CD5: variants seen among roughly 807,000 people sequenced by gnomAD.
The protein encoded by CD5 is CD5 molecule, also known as T-cell surface glycoprotein CD5.
Under a neutral mutation model 60.3 loss-of-function variants are expected in CD5, and 36 were observed. That is an observed-to-expected ratio of 0.60 (90% CI 0.46 to 0.79). The LOEUF is 0.79. Ranked by LOEUF, CD5 falls within the 30% of genes least tolerant of loss-of-function variation. CD5 has a pLI of 0.00. For synonymous variants in CD5, 230 were observed against 257.6 expected, an observed-to-expected ratio of 0.89 and a Z score of 1.03; for missense variants, 540 against 630.6, an observed-to-expected ratio of 0.86 and a Z score of 1.54.
chr11:61,109,270 G>T (rs1860817230), intron 1 of CD5, among the ~76,000 whole-genome samples: 1 of 152,208 alleles, frequency 6.6e-6, no homozygotes. Context: ...TTATAATCTT[G>T]ACACATCCCC....
intron 5 of CD5, among the ~76,000 whole-genome samples, chr11:61,121,319 C>T (rs528711816): frequency 1.1e-4 from 17 of 152,398 alleles, no homozygotes; most frequent in African/African-American, 4.1e-4. Context: ...GAGCCGACTC[C>T]CTGCTGGTGG....
chr11:61,110,041 C>T (rs1860830393), intron 1 of CD5, among the ~76,000 whole-genome samples: 2 of 152,064 alleles, frequency 1.3e-5, no homozygotes, highest in South Asian at 2.1e-4. Flanking sequence ...CAGGAGTAAG[C>T]TGTAGAGCCC....
At position 61,125,053 on chromosome 11, in the gene CD5, C is replaced by G; in HGVS notation, c.1301C>G (p.Thr434Arg). Residue 434 changes from threonine (T) to arginine (R), a missense_variant, in exon 9 of 11, where the codon ACG (threonine) becomes AGG (arginine). By Grantham distance (71) the Thr-to-Arg change is moderately conservative. Transcript: ENST00000347785. ...NQNMSFHRNH[T>R]ATVRSHAENP... ...CCAGTGTCTTTCCATCGCAACCACA[C>G]GGCAACCGTCCGATCCCATGCTGAG... is the stretch of plus-strand genomic sequence containing the variant. 1 of 1,614,060 alleles carries G rather than the reference C, an allele frequency of 6.2e-7. No homozygotes were observed. Among genetic ancestry groups the G allele is most frequent in the South Asian group, 1.1e-5 (1 of 91,084 alleles).
the CD5 span, among the ~76,000 whole-genome samples, chr11:61,094,023 G>T: frequency 6.6e-6 from 1 of 152,090 alleles, no homozygotes; most frequent in Non-Finnish European, 1.5e-5. Context: ...GTGTCTGAGG[G>T]GTTTTGTCTG....
chr11:61,113,383 C>A (rs896647974), intron 1 of CD5, among the ~76,000 whole-genome samples: 3 of 152,224 alleles, frequency 2.0e-5, no homozygotes, highest in Non-Finnish European at 4.4e-5. Flanking sequence ...ACTTTGCCCC[C>A]ACTCCACAGT....
rs747869126 is a variant in CD5, at chr11:61,119,220, C to G, written c.464-14C>G. On this transcript the variant is annotated splice_polypyrimidine_tract_variant and intron_variant, in intron 4 of 10. Transcript: ENST00000347785. ...GCTCAGGGTGGCTCCCCCTCCTGCT[C>G]TCTCCTCTCCTAGCTCCTCCCAGGC... 19 of 1,570,124 alleles carry G rather than the reference C, an allele frequency of 1.2e-5. No individual in the cohort carries two copies. Among genetic ancestry groups the G allele is most frequent in the Non-Finnish European group, 1.5e-5 (17 of 1,159,114 alleles).
chr11:61,119,343 C>A lies in CD5; in HGVS notation c.573C>A (p.Asp191Glu). ...GTACCATCAGCTATGAGGCCCAGGA[C>A]AAGACCCAGGACCTGGAGAACTTCC... The part of the protein sequence containing the change: ...LGGTISYEAQ[D>E]KTQDLENFLC... The change falls in exon 5 of 11, where the codon GAC becomes GAA. Residue 191 changes from aspartate (D) to glutamate (E), a missense_variant. Transcript: ENST00000347785. 6 of 1,614,108 alleles carry A rather than the reference C, an allele frequency of 3.7e-6. No homozygotes were observed. Among genetic ancestry groups the A allele is most frequent in the Non-Finnish European group, 5.1e-6 (6 of 1,180,016 alleles).
At position 61,122,869 on chromosome 11, in the gene CD5, C is replaced by G. The variant is rs183289659; in HGVS notation, c.1100-38C>G. Reference sequence around the variant, plus strand: ...TTCCCTCCCACAGTTTTTCTCCCCCCAGGACTGGGACTGACCTAACTCTTC... The same window carrying G: ...TTCCCTCCCACAGTTTTTCTCCCCCGAGGACTGGGACTGACCTAACTCTTC... On this transcript the variant is annotated intron_variant, in intron 6 of 10. Transcript: ENST00000347785. 5.7e-6 allele frequency: 9 copies of G among 1,578,000 alleles called. No homozygotes were observed. The East Asian group carries it at 9.0e-5, about 16-fold the overall frequency.
upstream of CD5, among the ~76,000 whole-genome samples, chr11:61,100,554 T>TCA (rs773339207): frequency 1.2e-5 from 1 of 80,048 alleles, no homozygotes; most frequent in Non-Finnish European, 2.3e-5. Context: ...AACATGGAGA[T>TCA]CACACACACA....
rs1258103807 is a variant in CD5, at chr11:61,119,323, A to G, written c.553A>G (p.Ile185Val). 9.3e-6 allele frequency: 15 copies of G among 1,613,864 alleles called. No individual in the cohort carries two copies. The highest frequency in any genetic ancestry group is 1.3e-5 in the African/African-American group (1 of 74,890). Residue 185 changes from isoleucine (I) to valine (V), a missense_variant, in exon 5 of 11, where the codon ATC (isoleucine) becomes GTC (valine). By Grantham distance (29) the Ile-to-Val change is conservative. Transcript: ENST00000347785. ...EFYSGSLGGTISYEAQDKTQD... is the reference protein window; with the variant it reads ...EFYSGSLGGTVSYEAQDKTQD... ...CTACAGCGGCAGCCTGGGGGGTACCATCAGCTATGAGGCCCAGGACAAGAC... is the reference window on the plus strand; with the variant it reads ...CTACAGCGGCAGCCTGGGGGGTACCGTCAGCTATGAGGCCCAGGACAAGAC...
rs911227372 is a variant in CD5 at position 61,118,651 on chromosome 11, G to A, written c.400+171G>A. Among the ~76,000 whole-genome samples the A allele has an allele frequency of 6.6e-6, 1 of 152,244 alleles. No homozygotes were observed. Among genetic ancestry groups the A allele is most frequent in the African/African-American group, 2.4e-5 (1 of 41,468 alleles). ...CCAGGAGGGGGACTGGAAGGGGCCA[G>A]CACCCATCTGTAGGATGGCAATGGA... On this transcript the variant is annotated intron_variant, in intron 3 of 10. Transcript: ENST00000347785. This position sits in a 1 kb window ranked among gnomAD's most constrained non-coding sequence, Gnocchi z 4.7.
chr11:61,123,811 A>AAACCCCCCCCC, intron 7 of CD5, 73 bp from the exon 8 acceptor site: 1 of 262,112 alleles, frequency 3.8e-6, no homozygotes, highest in Non-Finnish European at 7.1e-6. Context: ...GCCCAGCCCC[A>AAACCCCCCCCC]TCCCCACCCC....
chr11:61,102,545 GAGA>G lies in CD5; in HGVS notation c.-13_-11del, dbSNP rs768108606. 1.3e-6 allele frequency: 2 copies of G among 1,564,572 alleles called. No homozygotes were observed. Among genetic ancestry groups the G allele is most frequent in the East Asian group, 4.7e-5 (2 of 42,318 alleles). On this transcript the variant is annotated 5_prime_UTR_variant, in exon 1 of 11. Transcript: ENST00000347785. ...TGCCCAGCTGCCCAGGCTGAGGCAA[GAGA>G]AGGCCAGAAACCATGCCCATGGGGT...
chr11:61,112,901 G>A (rs1378845562), intron 1 of CD5, among the ~76,000 whole-genome samples: 4 of 152,148 alleles, frequency 2.6e-5, no homozygotes, highest in African/African-American at 7.2e-5. Flanking sequence ...AAATTCAACC[G>A]CCAGCTTGAG....
chr11:61,113,526 G>C (rs1191539849), intron 1 of CD5, among the ~76,000 whole-genome samples: 1 of 152,236 alleles, frequency 6.6e-6, no homozygotes, highest in African/African-American at 2.4e-5. Flanking sequence ...ACTGTGGGCA[G>C]GTCACGCCAT....
intron 6 of CD5, 44 bp from the exon 7 acceptor site, chr11:61,122,863 T>TC (rs140393887): frequency 3.2e-6 from 5 of 1,545,720 alleles, no homozygotes; most frequent in African/African-American, 1.4e-5. Context: ...ACAGTTTTTC[T>TC]CCCCCCAGGA....
rs1213029195 is a variant in CD5, at chr11:61,118,504, G to C, written c.400+24G>C. Reference sequence around the variant, plus strand: ...AGGTGGGTAACTAGCCAGCCACACGGGCACCCTGGGCCTGGGCGCCAGCCC... The same window carrying C: ...AGGTGGGTAACTAGCCAGCCACACGCGCACCCTGGGCCTGGGCGCCAGCCC... On this transcript the variant is annotated intron_variant, in intron 3 of 10. Coordinates refer to ENST00000347785, the MANE Select transcript of CD5 (RefSeq NM_014207.4). The surrounding 1 kb of genome is among the most constrained non-coding windows in gnomAD (Gnocchi z 4.7). 2.5e-6 allele frequency: 4 copies of C among 1,605,938 alleles called. No individual in the cohort carries two copies. Among genetic ancestry groups the C allele is most frequent in the East Asian group, 2.2e-5 (1 of 44,804 alleles).
chr11:61,121,394 C>T (rs1295486151), intron 5 of CD5, among the ~76,000 whole-genome samples: 1 of 152,234 alleles, frequency 6.6e-6, no homozygotes, highest in African/African-American at 2.4e-5. Flanking sequence ...CTGGCAGCTG[C>T]CCAGAGGCAC....
chr11:61,123,676 G>A (rs7117160), intron 7 of CD5, among the ~76,000 whole-genome samples: 2 of 151,938 alleles, frequency 1.3e-5, no homozygotes, highest in South Asian at 2.1e-4. Context: ...CTGCTCCTTC[G>A]GCACAGGATG....
Sources: allele counts gnomAD v4.1 joint callset (sites outside exome capture counted in the v4.1 genomes callset), GRCh38; gene constraint gnomAD v4.1.1; non-coding constraint Gnocchi (gnomAD v3.1); transcripts MANE v1.5; gene names NCBI Gene and HGNC (gene_info 2026-07-23, HGNC 2026-07-21).